ZBTB43: variants seen among roughly 807,000 people sequenced by gnomAD.
The protein encoded by ZBTB43 is zinc finger and BTB domain-containing protein 43.
In ZBTB43, 6 loss-of-function variants were observed where a neutral mutation model predicts 31.1. That is an observed-to-expected ratio of 0.19 (90% CI 0.11 to 0.38). The LOEUF is 0.38. Among genes scored for constraint, ZBTB43 ranks in the 10% least tolerant of loss-of-function variants. ZBTB43 has a pLI of 1.00. For synonymous variants in ZBTB43, 212 were observed against 221.7 expected, an observed-to-expected ratio of 0.96 and a Z score of 0.39; for missense variants, 379 against 602.1, an observed-to-expected ratio of 0.63 and a Z score of 3.88.
intron 2 of ZBTB43, among the ~76,000 whole-genome samples, chr9:126,826,348 TG>T (rs1345676133): frequency 6.6e-6 from 1 of 151,358 alleles, no homozygotes; most frequent in African/African-American, 2.4e-5. Flanking sequence ...GGTTTCACTA[TG>T]TTGGCCAGGC....
intron 2 of ZBTB43, among the ~76,000 whole-genome samples, chr9:126,827,383 AC>A (rs971344905): frequency 1.3e-5 from 2 of 151,942 alleles, no homozygotes; most frequent in African/African-American, 2.4e-5. Flanking sequence ...TCCTTCCTCC[AC>A]CCCCTCCTCT....
At chr9:126,811,341 C>A (rs1372496689) in intron 2 of ZBTB43, among the ~76,000 whole-genome samples, 3 of 151,924 alleles carry the variant, frequency 2.0e-5, no homozygotes, top group South Asian at 2.1e-4. Context: ...AGTTATATGA[C>A]CTTAAGTTGC....
At chr9:126,828,162 C>G (rs2032683807) in intron 2 of ZBTB43, among the ~76,000 whole-genome samples, 1 of 151,998 alleles carries the variant, frequency 6.6e-6, no homozygotes, top group South Asian at 2.1e-4. Context: ...AAATAAACAC[C>G]CATGTATTAA....
chr9:126,812,012 C>A (rs961964552), intron 2 of ZBTB43, among the ~76,000 whole-genome samples: 1 of 151,866 alleles, frequency 6.6e-6, no homozygotes, highest in Admixed American at 6.6e-5. Flanking sequence ...GATTTGTATA[C>A]CCATCACCAC....
At chr9:126,830,884 C>G (rs1160441313) in intron 2 of ZBTB43, among the ~76,000 whole-genome samples, 1 of 152,128 alleles carries the variant, frequency 6.6e-6, no homozygotes, top group Admixed American at 6.5e-5. Context: ...AGTAGCAACA[C>G]AGGCAATGCC....
At position 126,834,502 on chromosome 9, in the gene ZBTB43, A is replaced by AT. The variant is rs1412875026; in HGVS notation, c.*590dup. On this transcript the variant is annotated 3_prime_UTR_variant, in exon 3 of 3. Coordinates refer to ENST00000373464, the MANE Select transcript of ZBTB43 (RefSeq NM_014007.4). ...ATGCTAAGAGAGTGACTTTCTAAAT[A>AT]TGAAACAGATAATTTACGGTACAAG... The AT allele has an allele frequency of 3.0e-5, 5 of 167,124 alleles. No homozygotes were observed. The highest frequency in any genetic ancestry group is 1.2e-4 in the African/African-American group (5 of 41,454). 10.4% of individuals were successfully genotyped at this position (167,124 alleles called of 1,614,324 possible).
At chr9:126,823,241 T>G (rs1027572503) in intron 2 of ZBTB43, among the ~76,000 whole-genome samples, 2 of 151,714 alleles carry the variant, frequency 1.3e-5, no homozygotes, top group Admixed American at 6.6e-5. Flanking sequence ...AACTGTCTAT[T>G]CCTTCCTTCA....
intron 2 of ZBTB43, among the ~76,000 whole-genome samples, chr9:126,815,071 T>G (rs895606046): frequency 6.6e-6 from 1 of 151,752 alleles, no homozygotes; most frequent in Non-Finnish European, 1.5e-5. Context: ...TTTCTTGTGC[T>G]TGGAGTTTGT....
At chr9:126,806,623 T>A (rs375271311) in intron 1 of ZBTB43, among the ~76,000 whole-genome samples, 2 of 152,194 alleles carry the variant, frequency 1.3e-5, no homozygotes, top group African/African-American at 4.8e-5. Context: ...AATTGTTAAG[T>A]CTTAAAGTTT....
intron 2 of ZBTB43, among the ~76,000 whole-genome samples, chr9:126,825,837 T>C (rs2032618736): frequency 7.3e-6 from 1 of 137,338 alleles, no homozygotes; most frequent in Non-Finnish European, 1.5e-5. Context: ...TTGGTTCCTT[T>C]TTATATTTTT....
intron 2 of ZBTB43, among the ~76,000 whole-genome samples, chr9:126,817,736 A>G (rs1448030294): frequency 1.3e-5 from 2 of 152,156 alleles, no homozygotes; most frequent in Non-Finnish European, 2.9e-5. Context: ...TCGGCCTCCC[A>G]AAGTGCTGGG....
chr9:126,819,058 A>G (rs1326862036), intron 2 of ZBTB43, among the ~76,000 whole-genome samples: 2 of 152,092 alleles, frequency 1.3e-5, no homozygotes, highest in Admixed American at 6.5e-5. Flanking sequence ...TAATTTCCAC[A>G]TATTTATTAG....
chr9:126,809,842 C>CTTTTTTTTTT lies in ZBTB43; in HGVS notation c.-24+929_-24+938dup, dbSNP rs565506794. Reference sequence around the variant, plus strand: ...CAAAGTGGCATAAAACTGCTGGTATCTTTTTTTTTTTGAGACAGAGTCTCG... The same window carrying CTTTTTTTTTT: ...CAAAGTGGCATAAAACTGCTGGTATCTTTTTTTTTTTTTTTTTTTTTGAGACAGAGTCTCG... On this transcript the variant is annotated intron_variant, in intron 2 of 2. Coordinates refer to ENST00000373464, the MANE Select transcript of ZBTB43 (RefSeq NM_014007.4). 3.2e-3 allele frequency among the ~76,000 whole-genome samples: 468 copies of CTTTTTTTTTT among 147,160 alleles called. 7 individuals are homozygous for CTTTTTTTTTT. The highest frequency in any genetic ancestry group is 0.011 in the African/African-American group (430 of 40,092).
chr9:126,818,861 C>T (rs2032450299), intron 2 of ZBTB43, among the ~76,000 whole-genome samples: 2 of 152,134 alleles, frequency 1.3e-5, no homozygotes, highest in Non-Finnish European at 2.9e-5. Context: ...TCAGAGGGCA[C>T]TCCTGACCTA....
At chr9:126,827,527 G>A (rs1338040599) in intron 2 of ZBTB43, among the ~76,000 whole-genome samples, 1 of 152,152 alleles carries the variant, frequency 6.6e-6, no homozygotes, top group African/African-American at 2.4e-5. Flanking sequence ...GCACTCTCTT[G>A]GTTGCTGTGA....
chr9:126,814,829 C>T (rs1461834687), intron 2 of ZBTB43, among the ~76,000 whole-genome samples: 2 of 152,008 alleles, frequency 1.3e-5, no homozygotes, highest in Admixed American at 6.6e-5. Flanking sequence ...AGTATTTTGC[C>T]TTCACTTTGA....
At chr9:126,824,615 C>T (rs953273300) in intron 2 of ZBTB43, among the ~76,000 whole-genome samples, 11 of 152,142 alleles carry the variant, frequency 7.2e-5, no homozygotes, top group Non-Finnish European at 1.0e-4. Flanking sequence ...CATATGGTTT[C>T]TGCTTATGGT....
At position 126,835,577 on chromosome 9, in the gene ZBTB43, A is replaced by G. The variant is rs1403935388; in HGVS notation, c.*1664A>G. On this transcript the variant is annotated 3_prime_UTR_variant, in exon 3 of 3. Transcript: ENST00000373464. Reference sequence around the variant, plus strand: ...CTAACACCAGGGTGTTTACTTGTTGAACATTGTCTGGAAAGAGGAAAGAAA... The same window carrying G: ...CTAACACCAGGGTGTTTACTTGTTGGACATTGTCTGGAAAGAGGAAAGAAA... 6.0e-6 allele frequency: 1 copy of G among 167,042 alleles called. No homozygotes were observed. Among genetic ancestry groups the G allele is most frequent in the Non-Finnish European group, 1.5e-5 (1 of 68,116 alleles). The allele number at this position is 167,042 out of a possible 1,614,324, so 10.3% of individuals were successfully genotyped here.
rs1393908989 is a variant in ZBTB43 at position 126,833,227 on chromosome 9, C to T, written c.718C>T (p.His240Tyr). 6.2e-7 allele frequency: 1 copy of T among 1,613,642 alleles called. No homozygotes were observed. The highest frequency in any genetic ancestry group is 8.5e-7 in the Non-Finnish European group (1 of 1,180,018). ...PMYSKPSIMA[H>Y]KRWIHVKPER... ...GTACAGCAAGCCCAGCATCATGGCT[C>T]ACAAACGCTGGATCCACGTGAAGCC... Residue 240 changes from histidine to tyrosine, a missense_variant, in exon 3 of 3, where the codon CAC (histidine) becomes TAC (tyrosine). This residue lies in a region of ZBTB43 where 253 missense variants were observed against 322.3 expected (regional missense o/e 0.79). Coordinates refer to ENST00000373464, the MANE Select transcript of ZBTB43 (RefSeq NM_014007.4). This position sits in a 1 kb window ranked among gnomAD's most constrained non-coding sequence, Gnocchi z 7.9.
Sources: allele counts gnomAD v4.1 joint callset (sites outside exome capture counted in the v4.1 genomes callset), GRCh38; gene constraint gnomAD v4.1.1; regional missense constraint gnomAD v4.1.1; non-coding constraint Gnocchi (gnomAD v3.1); transcripts MANE v1.5; gene names NCBI Gene and HGNC (gene_info 2026-07-23, HGNC 2026-07-21).